The following PTPRD variants were observed in gnomAD, a reference collection of about 807,000 sequenced individuals.
PTPRD encodes protein tyrosine phosphatase receptor type D.
A neutral mutation model predicts 214.5 loss-of-function variants in PTPRD; 34 were observed. The ratio of observed to expected loss-of-function variants is 0.16; its 90% CI spans 0.12 to 0.21. PTPRD has a LOEUF of 0.21. Among genes scored for constraint, PTPRD ranks in the 10% least tolerant of loss-of-function variants. PTPRD has a pLI of 1.00. For missense variants in PTPRD, 2,545 were observed against 2,398.7 expected (o/e 1.06, Z -1.27); for synonymous variants, 1,128 against 845.7 (o/e 1.33, Z -5.79).
At chr9:8,813,350 G>A (rs564736406) in intron 11 of PTPRD, among the ~76,000 whole-genome samples, 1 of 152,244 alleles carries the variant, frequency 6.6e-6, no homozygotes, top group Non-Finnish European at 1.5e-5. Flanking sequence ...GACCTCAAAA[G>A]TTTGAAAAAG....
At chr9:9,369,891 T>C (rs1226662145) in intron 9 of PTPRD, among the ~76,000 whole-genome samples, 1 of 152,202 alleles carries the variant, frequency 6.6e-6, no homozygotes, top group Non-Finnish European at 1.5e-5. Flanking sequence ...TGCTTGTTTT[T>C]GTCAGGTTTG....
intron 7 of PTPRD, among the ~76,000 whole-genome samples, chr9:9,708,292 C>G (rs537047056): frequency 3.3e-5 from 5 of 152,166 alleles, no homozygotes; most frequent in African/African-American, 1.2e-4. Context: ...CCTGGAGTTT[C>G]TCTTCAGAAT....
intron 10 of PTPRD, among the ~76,000 whole-genome samples, chr9:9,137,410 T>C (rs569249150): frequency 2.7e-4 from 41 of 152,280 alleles, no homozygotes; most frequent in African/African-American, 9.6e-4. Flanking sequence ...AAGTTACCAA[T>C]AACTTGCTTG....
chr9:9,998,146 A>ATATATATATATAT (rs1566998658), intron 4 of PTPRD, among the ~76,000 whole-genome samples: 3 of 137,736 alleles, frequency 2.2e-5, no homozygotes, highest in African/African-American at 8.4e-5. Context: ...ATATATATAT[A>ATATATATATATAT]AAAGAAGAAG....
chr9:9,461,857 A>G (rs2093688696), intron 8 of PTPRD, among the ~76,000 whole-genome samples: 1 of 152,148 alleles, frequency 6.6e-6, no homozygotes, highest in African/African-American at 2.4e-5. Flanking sequence ...CGTTCTCCTC[A>G]CGGATGACTT....
intron 5 of PTPRD, among the ~76,000 whole-genome samples, chr9:9,819,072 G>A (rs1415757976): frequency 1.3e-5 from 2 of 152,044 alleles, no homozygotes; most frequent in East Asian, 3.9e-4. Flanking sequence ...TCCCTGATAG[G>A]TAGCATATAT....
intron 5 of PTPRD, among the ~76,000 whole-genome samples, chr9:9,789,872 G>A (rs1195689266): frequency 6.7e-6 from 1 of 148,420 alleles, no homozygotes; most frequent in Non-Finnish European, 1.5e-5. Context: ...TCAAACTTAA[G>A]GTAAACATTG....
intron 8 of PTPRD, among the ~76,000 whole-genome samples, chr9:9,487,468 T>C (rs917570355): frequency 6.6e-6 from 1 of 152,122 alleles, no homozygotes; most frequent in African/African-American, 2.4e-5. Context: ...CATTGTTGGA[T>C]ATTTGGGTCG....
At chr9:9,488,892 A>G (rs2154205883) in intron 8 of PTPRD, among the ~76,000 whole-genome samples, 1 of 152,184 alleles carries the variant, frequency 6.6e-6, no homozygotes, top group South Asian at 2.1e-4. Flanking sequence ...GGATGGGCAA[A>G]AAGAACCCCA....
chr9:8,817,025 G>A (rs1327545613), intron 11 of PTPRD, among the ~76,000 whole-genome samples: 1 of 152,198 alleles, frequency 6.6e-6, no homozygotes, highest in Admixed American at 6.5e-5. Context: ...AGTAGAATAA[G>A]TGAATCAACA....
intron 2 of PTPRD, among the ~76,000 whole-genome samples, chr9:10,364,032 C>A (rs947522874): frequency 1.1e-5 from 1 of 94,436 alleles, no homozygotes; most frequent in Admixed American, 1.9e-4. Flanking sequence ...TGGAGTCTTG[C>A]TCTGTTGCCC....
At position 10,260,827 on chromosome 9, in the gene PTPRD, T is replaced by G. The variant is rs79669993; in HGVS notation, c.-545+80136A>C. ...TCTGCACATGATTACAAGTCCCTAC[T>G]AATAGCCTTGTTTGTCCCTTGCCAG... On this transcript the variant is annotated intron_variant, in intron 3 of 45. Coordinates refer to ENST00000381196, the MANE Select transcript of PTPRD (RefSeq NM_002839.4). 1.4e-3 allele frequency among the ~76,000 whole-genome samples: 207 copies of G among 152,146 alleles called. 1 individual carries two copies. The East Asian group carries it at 0.035, about 26-fold the overall frequency.
intron 9 of PTPRD, among the ~76,000 whole-genome samples, chr9:9,206,309 C>A (rs925928530): frequency 1.3e-5 from 2 of 152,060 alleles, no homozygotes; most frequent in Admixed American, 6.6e-5. Context: ...AGAGGAGGAC[C>A]ATTGGAGGGT....
intron 3 of PTPRD, among the ~76,000 whole-genome samples, chr9:10,066,195 C>T (rs2097880592): frequency 1.3e-5 from 2 of 151,616 alleles, no homozygotes; most frequent in Admixed American, 1.3e-4. Flanking sequence ...ATAAAGCATA[C>T]TTTGTTATGT....
intron 9 of PTPRD, among the ~76,000 whole-genome samples, chr9:9,269,641 T>A (rs1241069124): frequency 1.3e-5 from 2 of 151,330 alleles, no homozygotes; most frequent in African/African-American, 4.8e-5. Context: ...ATGTGGTCGG[T>A]GTGTATGTGT....
intron 14 of PTPRD, among the ~76,000 whole-genome samples, chr9:8,583,431 T>A (rs1424830972): frequency 2.6e-5 from 4 of 152,182 alleles, no homozygotes; most frequent in Non-Finnish European, 5.9e-5. Flanking sequence ...GAAACTCTCC[T>A]GCTTCAGCCT....
chr9:9,041,447 T>C (rs1382223628), intron 10 of PTPRD, among the ~76,000 whole-genome samples: 1 of 152,124 alleles, frequency 6.6e-6, no homozygotes, highest in Admixed American at 6.5e-5. Context: ...CTCCTACTTA[T>C]AAGTAGGAAC....
chr9:9,730,742 C>T (rs757385025), intron 7 of PTPRD, among the ~76,000 whole-genome samples: 1 of 152,038 alleles, frequency 6.6e-6, no homozygotes, highest in African/African-American at 2.4e-5. Context: ...AAGTATGAGA[C>T]TGTAGATGAA....
intron 12 of PTPRD, among the ~76,000 whole-genome samples, chr9:8,642,221 T>C (rs75684076): frequency 0.089 from 13,479 of 152,224 alleles, 703 homozygotes; most frequent in East Asian, 0.17. Context: ...AAAATGAGGG[T>C]GCCATTTATC....
Sources: allele counts gnomAD v4.1 joint callset (sites outside exome capture counted in the v4.1 genomes callset), GRCh38; gene constraint gnomAD v4.1.1; transcripts MANE v1.5; gene names NCBI Gene and HGNC (gene_info 2026-07-23, HGNC 2026-07-21).